HCLS1: variants seen among roughly 807,000 people sequenced by gnomAD.
HCLS1 encodes hematopoietic cell-specific Lyn substrate 1.
Under a neutral mutation model 68.6 loss-of-function variants are expected in HCLS1, and 44 were observed. The observed-to-expected ratio is 0.64, with a 90% CI of 0.50 to 0.82. The LOEUF is 0.82. Ranked by LOEUF, HCLS1 falls within the 40% of genes least tolerant of loss-of-function variation. The probability of loss-of-function intolerance (pLI) is 0.00; values close to 1 mark genes in which losing one functional copy is unlikely to be tolerated. For missense variants in HCLS1, 602 were observed against 612.1 expected (o/e 0.98, Z 0.17); for synonymous variants, 217 against 225.8 (o/e 0.96, Z 0.35).
At chr3:121,632,720 A>G (rs1382464335) in intron 11 of HCLS1, among the ~76,000 whole-genome samples, 157 bp from the exon 12 acceptor site, 1 of 152,032 alleles carries the variant, frequency 6.6e-6, no homozygotes, top group Non-Finnish European at 1.5e-5. Context: ...CCTTTCATCC[A>G]TCTTCATTCT....
chr3:121,654,910 T>G (rs995088612), intron 3 of HCLS1, among the ~76,000 whole-genome samples: 1 of 152,158 alleles, frequency 6.6e-6, no homozygotes, highest in Non-Finnish European at 1.5e-5. Flanking sequence ...AATCCCCAAA[T>G]AGTGGAGACT....
At chr3:121,647,498 A>G (rs759055415) in intron 3 of HCLS1, 50 bp from the exon 4 acceptor site, 1 of 1,602,972 alleles carries the variant, frequency 6.2e-7, no homozygotes, top group South Asian at 1.1e-5. Flanking sequence ...GAGATCAAGA[A>G]ACCCATCTTC....
intron 1 of HCLS1, among the ~76,000 whole-genome samples, chr3:121,658,810 G>C (rs1486181797): frequency 2.6e-5 from 4 of 152,190 alleles, no homozygotes; most frequent in Non-Finnish European, 4.4e-5. Flanking sequence ...TTCTCACAAA[G>C]TGAACATCTA....
chr3:121,658,973 G>T (rs531227944), intron 1 of HCLS1, among the ~76,000 whole-genome samples: 2 of 152,240 alleles, frequency 1.3e-5, no homozygotes, highest in Admixed American at 6.5e-5. Context: ...ACAATGCATT[G>T]GGAGAGCATT....
intron 3 of HCLS1, chr3:121,654,416 A>T (rs147417267): frequency 1.4e-4 from 21 of 152,368 alleles, no homozygotes; most frequent in African/African-American, 4.8e-4. Context: ...CAAAAGTATC[A>T]GTCTGTGACA....
intron 1 of HCLS1, among the ~76,000 whole-genome samples, chr3:121,659,732 G>C (rs1378778015): frequency 6.6e-6 from 1 of 151,872 alleles, no homozygotes; most frequent in Non-Finnish European, 1.5e-5. Context: ...CTACCCCTCT[G>C]CTTCTCATCC....
chr3:121,648,516 A>G (rs1204975658), intron 3 of HCLS1, among the ~76,000 whole-genome samples: 2 of 152,176 alleles, frequency 1.3e-5, no homozygotes, highest in Admixed American at 1.3e-4. Context: ...ACCCTAAATA[A>G]GAAATTTGAC....
Position 121,635,798 on chromosome 3 carries a change from C to G in HCLS1, c.628G>C (p.Val210Leu), listed in dbSNP as rs756983398. 4.1e-5 allele frequency: 66 copies of G among 1,613,788 alleles called. No individual in the cohort carries two copies. The highest frequency in any genetic ancestry group is 5.3e-5 in the Non-Finnish European group (62 of 1,179,958). ...IQKDRVDKSA[V>L]GFNEMEAPTT... is the part of the protein sequence containing the mutation. ...GGGGCCTCCATTTCATTGAAGCCGA[C>G]AGCGCTCTGCAGGCAGGAGAACAGC... Residue 210 changes from valine (V) to leucine (L), a missense_variant, in exon 9 of 14, where the codon GTC becomes CTC. Coordinates refer to ENST00000314583, the MANE Select transcript of HCLS1 (RefSeq NM_005335.6).
chr3:121,648,747 G>A (rs192768632), intron 3 of HCLS1, among the ~76,000 whole-genome samples: 164 of 152,224 alleles, frequency 1.1e-3, no homozygotes, highest in African/African-American at 3.5e-3. Context: ...AGCTTTAGCC[G>A]CAGTTAATTT....
At chr3:121,649,837 T>C (rs1391007933) in intron 3 of HCLS1, among the ~76,000 whole-genome samples, 1 of 152,004 alleles carries the variant, frequency 6.6e-6, no homozygotes, top group Non-Finnish European at 1.5e-5. Context: ...GACTCATTCC[T>C]CAATCTGTGT....
In HCLS1 at chr3:121,642,437, C is replaced by G. The variant is rs189964476; in HGVS notation, c.454+490G>C. ...TGAGCCAATATAGTGCCACTGCACT[C>G]TAGCCTGGGTGACAGAGCGAGACTC... On this transcript the variant is annotated intron_variant, in intron 6 of 13. Coordinates refer to ENST00000314583, the MANE Select transcript of HCLS1 (RefSeq NM_005335.6). Among the ~76,000 whole-genome samples the G allele has an allele frequency of 1.4e-4, 21 of 152,158 alleles. 1 individual carries two copies. In the East Asian group the frequency reaches 3.9e-3, roughly 28 times the overall value.
At chr3:121,656,202 C>T (rs1322686100) in intron 3 of HCLS1, 3 of 152,146 alleles carry the variant, frequency 2.0e-5, no homozygotes, top group Admixed American at 1.3e-4. Context: ...GTTGTAGAAA[C>T]TTGTGCCAGG....
Position 121,633,140 on chromosome 3 carries a change from G to A in HCLS1, c.935C>T (p.Ser312Leu). Reference sequence around the variant, plus strand: ...GCTGGTTCTCACAGGCTCAGACTCTGATGATGGAGGAGTCCCAACTGGAGG... The same window carrying A: ...GCTGGTTCTCACAGGCTCAGACTCTAATGATGGAGGAGTCCCAACTGGAGG... The part of the protein sequence containing the change: ...AWPPVGTPPS[S>L]ESEPVRTSRE... The change falls in exon 11 of 14, where the codon TCA becomes TTA. Residue 312 changes from serine (S) to leucine (L), a missense_variant. Ser to Leu is a moderately radical substitution (Grantham distance 145). Transcript: ENST00000314583. 6.2e-7 allele frequency: 1 copy of A among 1,612,000 alleles called. No homozygotes were observed. The highest frequency in any genetic ancestry group is 1.1e-5 in the South Asian group (1 of 90,514).
intron 3 of HCLS1, among the ~76,000 whole-genome samples, chr3:121,656,636 G>A (rs778005093): frequency 2.0e-5 from 3 of 152,134 alleles, no homozygotes; most frequent in African/African-American, 7.2e-5. Context: ...CCTGAACATC[G>A]TTGCCAAAAT....
intron 3 of HCLS1, among the ~76,000 whole-genome samples, chr3:121,649,135 T>C (rs1390748639): frequency 6.6e-6 from 1 of 152,132 alleles, no homozygotes; most frequent in Non-Finnish European, 1.5e-5. Flanking sequence ...GAAAAACTAG[T>C]CAGGGGATCA....
intron 4 of HCLS1, among the ~76,000 whole-genome samples, chr3:121,645,840 T>C (rs2049241335): frequency 6.8e-6 from 1 of 147,080 alleles, no homozygotes; most frequent in African/African-American, 2.5e-5. Flanking sequence ...TTTTTAAATA[T>C]ACTTAAATAT....
Position 121,632,200 on chromosome 3 carries a change from C to T in HCLS1, c.1241-16G>A. 6.2e-7 allele frequency: 1 copy of T among 1,613,206 alleles called. No individual in the cohort carries two copies. The highest frequency in any genetic ancestry group is 8.5e-7 in the Non-Finnish European group (1 of 1,179,504). On this transcript the variant is annotated splice_polypyrimidine_tract_variant and intron_variant, in intron 12 of 13. Coordinates refer to ENST00000314583, the MANE Select transcript of HCLS1 (RefSeq NM_005335.6). ...CCTGATGATCCTGCATAATGAGAAACACAAACATGGGATCATCAACATGAA... is the reference window on the plus strand; with the variant it reads ...CCTGATGATCCTGCATAATGAGAAATACAAACATGGGATCATCAACATGAA...
chr3:121,646,395 T>TA (rs1405780955), intron 4 of HCLS1, among the ~76,000 whole-genome samples: 41 of 50,822 alleles, frequency 8.1e-4, no homozygotes, highest in Middle Eastern at 0.028. Context: ...TATATTACTA[T>TA]GTAATATATT....
rs139834889 is a variant in HCLS1, at chr3:121,631,902, G to A, written c.1405C>T (p.Arg469Cys). The A allele has an allele frequency of 6.9e-5, 111 of 1,614,154 alleles. No homozygotes were observed. In the African/African-American group the frequency reaches 8.1e-4, roughly 12 times the overall value. ...EMVDEGWWRG[R>C]CHGHFGLFPA... Reference sequence around the variant, plus strand: ...AAGAGTCCAAAGTGGCCATGGCAACGTCCCCGCCACCAGCCCTCGTCCACC... The same window carrying A: ...AAGAGTCCAAAGTGGCCATGGCAACATCCCCGCCACCAGCCCTCGTCCACC... The change falls in exon 14 of 14, where the codon CGT becomes TGT. Residue 469 changes from arginine to cysteine, a missense_variant. Coordinates refer to ENST00000314583, the MANE Select transcript of HCLS1 (RefSeq NM_005335.6).
Sources: allele counts gnomAD v4.1 joint callset (sites outside exome capture counted in the v4.1 genomes callset), GRCh38; gene constraint gnomAD v4.1.1; transcripts MANE v1.5; gene names NCBI Gene and HGNC (gene_info 2026-07-23, HGNC 2026-07-21).